The following CREB5 variants were observed in gnomAD, a reference collection of about 807,000 sequenced individuals.
CREB5 encodes cAMP responsive element binding protein 5, also known as cyclic AMP-responsive element-binding protein 5.
Under a neutral mutation model 57.1 loss-of-function variants are expected in CREB5, and 19 were observed. The observed-to-expected ratio is 0.33, with a 90% CI of 0.23 to 0.49. The LOEUF (loss-of-function observed/expected upper bound fraction) is 0.49. CREB5 is among the 20% of genes least tolerant of loss of function. The pLI, the probability that CREB5 is intolerant of heterozygous loss-of-function variation, is 0.99. For missense variants in CREB5, 579 were observed against 671.6 expected (o/e 0.86, Z 1.52); for synonymous variants, 238 against 238.3 (o/e 1.00, Z 0.01).
intron 7 of CREB5, among the ~76,000 whole-genome samples, chr7:28,777,068 T>C (rs957062718): frequency 3.5e-4 from 53 of 152,256 alleles, no homozygotes; most frequent in African/African-American, 1.2e-3. Context: ...TGCCTAGGAG[T>C]AGAATTGCTG....
intron 5 of CREB5, among the ~76,000 whole-genome samples, chr7:28,598,060 G>A (rs1251779658): frequency 2.0e-5 from 3 of 152,092 alleles, no homozygotes; most frequent in Non-Finnish European, 4.4e-5. Context: ...ATATGGTTTG[G>A]CTGTGTCCCT....
At chr7:28,799,178 C>A (rs1026263603) in intron 7 of CREB5, among the ~76,000 whole-genome samples, 1 of 152,220 alleles carries the variant, frequency 6.6e-6, no homozygotes, top group African/African-American at 2.4e-5. Flanking sequence ...AATCACTTAT[C>A]TTCACTGCAT....
intron 1 of CREB5, among the ~76,000 whole-genome samples, chr7:28,470,208 T>C (rs972248137): frequency 6.6e-6 from 1 of 152,122 alleles, no homozygotes; most frequent in South Asian, 2.1e-4. Flanking sequence ...CATCCCCATC[T>C]CCCCCTGACT....
At chr7:28,687,919 A>G (rs1393464997) in intron 5 of CREB5, among the ~76,000 whole-genome samples, 2 of 152,202 alleles carry the variant, frequency 1.3e-5, no homozygotes, top group Non-Finnish European at 2.9e-5. Context: ...GGAAAGGGCA[A>G]GGTGGGCTAG....
chr7:28,647,348 T>C (rs1798927804), intron 5 of CREB5, among the ~76,000 whole-genome samples: 1 of 152,024 alleles, frequency 6.6e-6, no homozygotes, highest in South Asian at 2.1e-4. Flanking sequence ...TTGTGTGCTC[T>C]GCTAAGACCT....
At chr7:28,555,109 T>TTG (rs58647223) in intron 4 of CREB5, among the ~76,000 whole-genome samples, 33 of 148,914 alleles carry the variant, frequency 2.2e-4, no homozygotes, top group Admixed American at 9.4e-4. Flanking sequence ...ATAAGCTGCA[T>TTG]TGTGTGTGTG....
chr7:28,396,097 G>A (rs1787329052), intron 1 of CREB5, among the ~76,000 whole-genome samples: 1 of 152,166 alleles, frequency 6.6e-6, no homozygotes, highest in South Asian at 2.1e-4. Flanking sequence ...TGACGACTGA[G>A]ATTTTTCTTT....
At chr7:28,738,016 CT>C (rs1474645602) in intron 7 of CREB5, among the ~76,000 whole-genome samples, 1 of 152,080 alleles carries the variant, frequency 6.6e-6, no homozygotes, top group Non-Finnish European at 1.5e-5. Flanking sequence ...AGTTCACAAG[CT>C]TATAAGTACA....
intron 1 of CREB5, among the ~76,000 whole-genome samples, chr7:28,415,283 T>G (rs1787981313): frequency 6.6e-6 from 1 of 152,076 alleles, no homozygotes; most frequent in African/African-American, 2.4e-5. Context: ...GATAGACCAA[T>G]TTTTCATTTT....
chr7:28,455,337 G>A (rs563530011), intron 1 of CREB5, among the ~76,000 whole-genome samples: 50 of 152,280 alleles, frequency 3.3e-4, no homozygotes, highest in African/African-American at 1.1e-3. Flanking sequence ...ATGATGATTT[G>A]GGAGTGGAAC....
chr7:28,721,403 G>A (rs922464319), intron 6 of CREB5, among the ~76,000 whole-genome samples: 1 of 152,162 alleles, frequency 6.6e-6, no homozygotes, highest in African/African-American at 2.4e-5. Context: ...AAGAGTTCCA[G>A]GCCCTAGAAA....
At chr7:28,733,746 C>T (rs1200596482) in intron 7 of CREB5, among the ~76,000 whole-genome samples, 1 of 152,128 alleles carries the variant, frequency 6.6e-6, no homozygotes, top group Non-Finnish European at 1.5e-5. Flanking sequence ...GCTCCGTGTC[C>T]CCAGTTTGCC....
At chr7:28,695,804 C>T (rs976912469) in intron 5 of CREB5, among the ~76,000 whole-genome samples, 2 of 152,196 alleles carry the variant, frequency 1.3e-5, no homozygotes, top group South Asian at 2.1e-4. Flanking sequence ...TCTGAACACA[C>T]TGCTTCCTCC....
chr7:28,608,977 A>G (rs1797284777), intron 5 of CREB5: 1 of 152,222 alleles, frequency 6.6e-6, no homozygotes, highest in Non-Finnish European at 1.5e-5. Context: ...GTGATCTATG[A>G]CCTGCTTGTA....
intron 4 of CREB5, among the ~76,000 whole-genome samples, chr7:28,562,773 C>T (rs116961024): frequency 0.014 from 2,150 of 152,288 alleles, 28 homozygotes; most frequent in Middle Eastern, 0.044. Flanking sequence ...TGACATTGAT[C>T]CAAATTAGTG....
At chr7:28,746,924 A>G (rs919423714) in intron 7 of CREB5, among the ~76,000 whole-genome samples, 2 of 152,242 alleles carry the variant, frequency 1.3e-5, no homozygotes, top group African/African-American at 4.8e-5. Context: ...AGGAAGGCTG[A>G]TGAAGGTGGA....
intron 1 of CREB5, among the ~76,000 whole-genome samples, chr7:28,464,294 A>G (rs1350873667): frequency 2.0e-5 from 3 of 151,924 alleles, no homozygotes; most frequent in East Asian, 3.9e-4. Context: ...ATTGCTGTGT[A>G]TTTTCTTTTC....
intron 5 of CREB5, among the ~76,000 whole-genome samples, chr7:28,641,805 C>T (rs926677956): frequency 6.6e-6 from 1 of 152,206 alleles, no homozygotes; most frequent in Non-Finnish European, 1.5e-5. Flanking sequence ...GTCTTTCATT[C>T]CTTACCTTCT....
At chr7:28,328,670 C>G (rs548294550) in intron 1 of CREB5, among the ~76,000 whole-genome samples, 1 of 152,058 alleles carries the variant, frequency 6.6e-6, no homozygotes, top group African/African-American at 2.4e-5. Context: ...AGCCATATAC[C>G]GTCATTAGGC....
Sources: allele counts gnomAD v4.1 joint callset (sites outside exome capture counted in the v4.1 genomes callset), GRCh38; gene constraint gnomAD v4.1.1; transcripts MANE v1.5; gene names NCBI Gene and HGNC (gene_info 2026-07-23, HGNC 2026-07-21).